UNC13C: variants seen among roughly 807,000 people sequenced by gnomAD.
UNC13C encodes unc-13 homolog C, also known as protein unc-13 homolog C.
UNC13C carries 174 observed loss-of-function variants against 245.4 expected under a neutral mutation model. The observed-to-expected ratio is 0.71, with a 90% CI of 0.63 to 0.80. The LOEUF (loss-of-function observed/expected upper bound fraction) is 0.80, where lower values mean the gene tolerates loss of function less well. Ranked by LOEUF, UNC13C falls within the 30% of genes least tolerant of loss-of-function variation. The probability of loss-of-function intolerance (pLI) is 0.00; values close to 1 mark genes in which losing one functional copy is unlikely to be tolerated. For missense variants in UNC13C, 2,829 were observed against 2,602.9 expected (o/e 1.09, Z -1.89); for synonymous variants, 992 against 895.1 (o/e 1.11, Z -1.93).
At chr15:53,877,172 C>T in the UNC13C span, among the ~76,000 whole-genome samples, 4 of 152,080 alleles carry the variant, frequency 2.6e-5, no homozygotes, top group Admixed American at 1.3e-4. Context: ...GCCAAAAATC[C>T]GTGTTAATAA....
intron 12 of UNC13C, 29 bp from the exon 13 acceptor site, chr15:54,300,181 C>T: frequency 6.3e-7 from 1 of 1,580,032 alleles, no homozygotes; most frequent in South Asian, 1.2e-5. Context: ...TGAGGAATCA[C>T]TGAACAATTA....
At chr15:54,389,385 C>T (rs559878730) in intron 17 of UNC13C, among the ~76,000 whole-genome samples, 2 of 152,224 alleles carry the variant, frequency 1.3e-5, no homozygotes, top group African/African-American at 4.8e-5. Context: ...AATCAGGAAC[C>T]ATGGGTCCCA....
intron 4 of UNC13C, among the ~76,000 whole-genome samples, chr15:54,172,705 TATATATATATATATATATA>T (rs2033450647): frequency 2.5e-5 from 1 of 39,946 alleles, no homozygotes. Flanking sequence ...CACACACAGA[TATATATATATATATATATA>T]TATATATATA....
At chr15:54,385,011 T>C (rs1000309159) in intron 17 of UNC13C, among the ~76,000 whole-genome samples, 2 of 151,904 alleles carry the variant, frequency 1.3e-5, no homozygotes, top group African/African-American at 4.8e-5. Context: ...ACAAAAAATA[T>C]CAGATGCTGG....
intron 1 of UNC13C, among the ~76,000 whole-genome samples, chr15:54,006,139 A>T (rs1895125539): frequency 6.6e-6 from 1 of 152,210 alleles, no homozygotes. Context: ...ATTACCATGA[A>T]GATTATTTGA....
chr15:54,583,772 T>C (rs1273227661), intron 30 of UNC13C, among the ~76,000 whole-genome samples: 3 of 152,230 alleles, frequency 2.0e-5, no homozygotes, highest in Non-Finnish European at 4.4e-5. Flanking sequence ...TGGTTGTTTG[T>C]AATGCGGCCC....
At position 54,596,478 on chromosome 15, in the gene UNC13C, C is replaced by T. The variant is rs567620939; in HGVS notation, c.6107-25849C>T. On this transcript the variant is annotated intron_variant, in intron 30 of 32. Coordinates refer to ENST00000260323, the MANE Select transcript of UNC13C (RefSeq NM_001080534.3). ...TCCCAGGCTTGCTTTGAGGAGTTAC[C>T]CTCTGATAAGCATATGCACACACAC... 5.3e-5 allele frequency among the ~76,000 whole-genome samples: 8 copies of T among 152,122 alleles called. No homozygotes were observed. The South Asian group carries it at 1.7e-3, about 32-fold the overall frequency.
At chr15:54,546,700 T>G in intron 26 of UNC13C, 22 bp from the exon 27 acceptor site, 2 of 1,402,382 alleles carry the variant, frequency 1.4e-6, no homozygotes, top group Non-Finnish European at 1.9e-6. Flanking sequence ...AAAGTGAATA[T>G]ATATATATAT....
intron 29 of UNC13C, among the ~76,000 whole-genome samples, chr15:54,559,880 A>G (rs1485337900): frequency 6.6e-6 from 1 of 151,994 alleles, no homozygotes; most frequent in Non-Finnish European, 1.5e-5. Flanking sequence ...AAAGAGGAAC[A>G]TTGGATTGGA....
At chr15:53,874,957 G>T in the UNC13C span, among the ~76,000 whole-genome samples, 4 of 152,100 alleles carry the variant, frequency 2.6e-5, no homozygotes, top group African/African-American at 9.7e-5. Context: ...AGCCGGGTGT[G>T]GTGGCATGCA....
intron 30 of UNC13C, among the ~76,000 whole-genome samples, chr15:54,620,537 A>G (rs1294967074): frequency 6.6e-6 from 1 of 152,062 alleles, no homozygotes; most frequent in East Asian, 1.9e-4. Flanking sequence ...GCTGCGAGAA[A>G]ATTACTCATT....
intron 30 of UNC13C, among the ~76,000 whole-genome samples, chr15:54,579,651 T>G (rs888219987): frequency 6.6e-6 from 1 of 151,952 alleles, no homozygotes; most frequent in African/African-American, 2.4e-5. Context: ...CCCAGCTACT[T>G]GGGATGCTAA....
chr15:54,016,188 C>G (rs1895648358), intron 2 of UNC13C, among the ~76,000 whole-genome samples: 1 of 152,198 alleles, frequency 6.6e-6, no homozygotes, highest in Non-Finnish European at 1.5e-5. Context: ...CATCAACTAA[C>G]TTTGTGGCAT....
intron 27 of UNC13C, among the ~76,000 whole-genome samples, chr15:54,547,422 A>G (rs1410000332): frequency 6.6e-6 from 1 of 152,222 alleles, no homozygotes; most frequent in East Asian, 1.9e-4. Context: ...AGAGCCAGGT[A>G]TCTCTGTTCA....
rs1423658819 is a variant in UNC13C at position 54,250,254 on chromosome 15, G to A, written c.3258G>A (p.Gln1086=). The A allele has an allele frequency of 6.2e-7, 1 of 1,613,912 alleles. No homozygotes were observed. The highest frequency in any genetic ancestry group is 1.7e-5 in the Admixed American group (1 of 60,002). The change falls in exon 8 of 33, where the codon CAG becomes CAA. Residue 1086 remains glutamine (Q), a synonymous_variant. Transcript: ENST00000260323. ...LKMHVFKKTL[Q]ALIYPMSSTI... ...TGCACGTCTTCAAGAAGACCTTGCAGGCACTGATCTACCCTATGTCTTCTA... is the reference window on the plus strand; with the variant it reads ...TGCACGTCTTCAAGAAGACCTTGCAAGCACTGATCTACCCTATGTCTTCTA...
chr15:53,952,811 C>G, the UNC13C span, among the ~76,000 whole-genome samples: 1 of 152,138 alleles, frequency 6.6e-6, no homozygotes, highest in African/African-American at 2.4e-5. Flanking sequence ...TTAAAGTATA[C>G]AGAGAAAACA....
At chr15:54,116,713 A>C (rs952179348) in intron 2 of UNC13C, among the ~76,000 whole-genome samples, 1 of 152,166 alleles carries the variant, frequency 6.6e-6, no homozygotes, top group East Asian at 1.9e-4. Context: ...CATGTTGGCT[A>C]TTGTAAATAG....
At chr15:53,872,829 A>G in the UNC13C span, among the ~76,000 whole-genome samples, 3 of 152,170 alleles carry the variant, frequency 2.0e-5, no homozygotes, top group African/African-American at 7.2e-5. Context: ...GCTGGTTATA[A>G]TGAAATTGAT....
chr15:53,867,995 T>G, the UNC13C span, among the ~76,000 whole-genome samples: 1 of 152,030 alleles, frequency 6.6e-6, no homozygotes, highest in Non-Finnish European at 1.5e-5. Context: ...CATTCCTAGC[T>G]AATTAAAAAA....
Sources: gnomAD v4.1 joint callset for allele counts (sites outside exome capture counted in the v4.1 genomes callset) on GRCh38, gnomAD v4.1.1 for gene constraint, MANE v1.5 for transcripts, NCBI Gene and HGNC (gene_info 2026-07-23, HGNC 2026-07-21) for gene names.